Variants in FAS observed in about 807,000 individuals in gnomAD.
FAS encodes tumor necrosis factor receptor superfamily member 6.
A neutral mutation model predicts 33.2 loss-of-function variants in FAS; 5 were observed. That is an observed-to-expected ratio of 0.15 (90% confidence interval 0.08 to 0.32). The LOEUF is 0.32. FAS is among the 10% of genes least tolerant of loss of function. The pLI, the probability that FAS is intolerant of heterozygous loss-of-function variation, is 1.00. For missense variants in FAS, 339 were observed against 386.0 expected (o/e 0.88, Z 1.02); for synonymous variants, 131 against 130.7 (o/e 1.00, Z -0.01).
Position 89,003,012 on chromosome 10 carries a change from A to G in FAS, c.31-17A>G. On this transcript the variant is annotated splice_polypyrimidine_tract_variant and intron_variant, in intron 1 of 8. Transcript: ENST00000652046. ...TTCAGAAATCAATAAAATTCTCTTC[A>G]TGCTTTTATTTTACAGGTTCTTACG... 1 of 1,613,984 alleles carries G rather than the reference A, an allele frequency of 6.2e-7. No individual in the cohort carries two copies. Among genetic ancestry groups the G allele is most frequent in the African/African-American group, 1.3e-5 (1 of 75,032 alleles).
rs1489081413 is a variant in FAS, at chr10:89,015,107, A to G, written c.*657A>G. 3.7e-6 allele frequency: 2 copies of G among 534,792 alleles called. No individual in the cohort carries two copies. The highest frequency in any genetic ancestry group is 7.2e-6 in the Non-Finnish European group (2 of 276,660). 33.1% of individuals were successfully genotyped at this position (534,792 alleles called of 1,614,324 possible). A position where few individuals can be genotyped will look rare whatever the true frequency, so the allele number is the denominator to read the frequency against. Reference sequence around the variant, plus strand: ...AAATTATAATGTTTGACTATTATATATGTGTATGCATTTTACTGGCTCAAA... The same window carrying G: ...AAATTATAATGTTTGACTATTATATGTGTGTATGCATTTTACTGGCTCAAA... On this transcript the variant is annotated 3_prime_UTR_variant, in exon 9 of 9. Coordinates refer to ENST00000652046, the MANE Select transcript of FAS (RefSeq NM_000043.6).
chr10:88,980,394 G>A (rs1349128278), intron 2 of FAS, among the ~76,000 whole-genome samples: 1 of 152,144 alleles, frequency 6.6e-6, no homozygotes, highest in Non-Finnish European at 1.5e-5. Flanking sequence ...GAGGTGACAG[G>A]GAAGCAACAG....
intron 1 of FAS, among the ~76,000 whole-genome samples, chr10:89,000,502 A>G (rs537071537): frequency 5.9e-5 from 9 of 152,384 alleles, no homozygotes; most frequent in African/African-American, 1.9e-4. Flanking sequence ...ATGAAGAAAA[A>G]TAGTCTTATC....
In FAS at chr10:89,014,509, A is replaced by G. The variant is rs751685669; in HGVS notation, c.*59A>G. On this transcript the variant is annotated 3_prime_UTR_variant, in exon 9 of 9. Coordinates refer to ENST00000652046, the MANE Select transcript of FAS (RefSeq NM_000043.6). ...GCAATTAGTGTTTGAAAAGATTCTT[A>G]ATAGCTGGCTGTAAATACTGCTTGG... The G allele has an allele frequency of 1.3e-6, 2 of 1,501,208 alleles. No homozygotes were observed. The highest frequency in any genetic ancestry group is 1.8e-6 in the Non-Finnish European group (2 of 1,097,078). 93.0% of individuals were successfully genotyped at this position (1,501,208 alleles called of 1,614,324 possible).
Position 89,008,916 on chromosome 10 carries a change from G to A in FAS, c.362G>A (p.Arg121Gln), listed in dbSNP as rs1183652579. The part of the protein sequence containing the change: ...HGLEVEINCT[R>Q]TQNTKCRCKP... ...TTAGAAGTGGAAATAAACTGCACCC[G>A]GACCCAGAATACCAAGTGCAGATGT... Residue 121 changes from arginine to glutamine, a missense_variant, in exon 4 of 9, where the codon CGG becomes CAG. Around this residue, in one of 3 missense-constraint regions of FAS, gnomAD observed 276 missense variants for 300.1 expected, o/e 0.92. Transcript: ENST00000652046. The A allele has an allele frequency of 5.6e-6, 9 of 1,613,830 alleles. No homozygotes were observed. Among genetic ancestry groups the A allele is most frequent in the East Asian group, 2.2e-5 (1 of 44,896 alleles).
chr10:88,997,838 G>A (rs1162656798), intron 1 of FAS, among the ~76,000 whole-genome samples: 1 of 152,214 alleles, frequency 6.6e-6, no homozygotes, highest in African/African-American at 2.4e-5. Context: ...GTCCTCAGCA[G>A]TAGAGGGTGG....
chr10:88,981,771 T>C (rs1846719129), upstream of FAS, among the ~76,000 whole-genome samples: 1 of 152,184 alleles, frequency 6.6e-6, no homozygotes, highest in Admixed American at 6.5e-5. Context: ...TGTTTCAGTC[T>C]GTGCTCGTGG....
In FAS at chr10:88,997,425, C is replaced by G. The variant is rs557870159; in HGVS notation, c.31-5604C>G. Among the ~76,000 whole-genome samples, 6 of 152,286 alleles carry G rather than the reference C, an allele frequency of 3.9e-5. No individual in the cohort carries two copies. In the East Asian group the frequency reaches 9.6e-4, roughly 24 times the overall value. ...AGTCATGGATCTAATCAGTAACTTGCAACTGTTGCTTCAACTACCTCTGTC... is the reference window on the plus strand; with the variant it reads ...AGTCATGGATCTAATCAGTAACTTGGAACTGTTGCTTCAACTACCTCTGTC... On this transcript the variant is annotated intron_variant, in intron 1 of 8. Transcript: ENST00000652046.
At chr10:89,002,389 C>T (rs1309557739) in intron 1 of FAS, among the ~76,000 whole-genome samples, 1 of 152,128 alleles carries the variant, frequency 6.6e-6, no homozygotes, top group Non-Finnish European at 1.5e-5. Flanking sequence ...ATACTGTCTC[C>T]TAAATATTGG....
At chr10:88,968,778 G>A (rs185516518) in intron 1 of FAS, among the ~76,000 whole-genome samples, 28 of 152,142 alleles carry the variant, frequency 1.8e-4, no homozygotes, top group Admixed American at 7.2e-4. Context: ...AGGCATTTCT[G>A]TCCTCTTTTC....
chr10:88,988,205 C>G (rs182159403), upstream of FAS, among the ~76,000 whole-genome samples: 44 of 152,192 alleles, frequency 2.9e-4, no homozygotes, highest in Non-Finnish European at 5.1e-4. Context: ...GGGAGAGGGA[C>G]AGTTTTTCTA....
chr10:88,990,989 C>A lies in FAS; in HGVS notation c.30+83C>A. The A allele has an allele frequency of 1.9e-6, 3 of 1,593,584 alleles. No individual in the cohort carries two copies. Among genetic ancestry groups the A allele is most frequent in the South Asian group, 1.1e-5 (1 of 90,412 alleles). On this transcript the variant is annotated intron_variant, in intron 1 of 8. Transcript: ENST00000652046. This position sits in a 1 kb window ranked among gnomAD's most constrained non-coding sequence, Gnocchi z 4.9. ...AAGTGGGGCGGGCGCGGGACGCGTG[C>A]GGGATTGCGGCGGCAGCGGCGCACG...
chr10:89,009,951 A>C (rs1848439827), intron 4 of FAS, among the ~76,000 whole-genome samples: 1 of 152,228 alleles, frequency 6.6e-6, no homozygotes, highest in Non-Finnish European at 1.5e-5. Context: ...GTGACTTCCC[A>C]AGCTCACCTA....
chr10:89,008,901 A>G lies in FAS; in HGVS notation c.347A>G (p.Glu116Gly), dbSNP rs749714005. The G allele has an allele frequency of 3.7e-6, 6 of 1,614,014 alleles. No individual in the cohort carries two copies. In the East Asian group the frequency reaches 1.3e-4, roughly 36 times the overall value. ...ACTGATTTTCTAGGCTTAGAAGTGG[A>G]AATAAACTGCACCCGGACCCAGAAT... is the stretch of plus-strand genomic sequence containing the variant. ...LCDEGHGLEVEINCTRTQNTK... is the reference protein window; with the variant it reads ...LCDEGHGLEVGINCTRTQNTK... The change falls in exon 4 of 9, where the codon GAA becomes GGA. Residue 116 changes from glutamate to glycine, a missense_variant. This residue lies in a region of FAS where 276 missense variants were observed against 300.1 expected (regional missense o/e 0.92). Transcript: ENST00000652046.
upstream of FAS, among the ~76,000 whole-genome samples, chr10:88,987,733 C>A (rs1009062686): frequency 1.3e-5 from 2 of 152,218 alleles, no homozygotes; most frequent in African/African-American, 2.4e-5. Flanking sequence ...TATACCCAAG[C>A]CCTGGGATTG....
At chr10:89,005,708 G>A (rs962732148) in intron 2 of FAS, among the ~76,000 whole-genome samples, 1 of 152,170 alleles carries the variant, frequency 6.6e-6, no homozygotes, top group Non-Finnish European at 1.5e-5. Context: ...CATGATCTCA[G>A]CTCACTGCAA....
At chr10:88,976,709 T>C (rs184429257) in intron 2 of FAS, among the ~76,000 whole-genome samples, 3 of 152,322 alleles carry the variant, frequency 2.0e-5, no homozygotes, top group East Asian at 1.9e-4. Flanking sequence ...ATTAACAAAA[T>C]TGTATTCATA....
chr10:88,996,588 T>A (rs1174424575), intron 1 of FAS, among the ~76,000 whole-genome samples: 1 of 152,150 alleles, frequency 6.6e-6, no homozygotes, highest in Non-Finnish European at 1.5e-5. Context: ...AAGAGTAGAT[T>A]TTAAGTGTTC....
intron 2 of FAS, among the ~76,000 whole-genome samples, chr10:88,976,307 G>A (rs540095847): frequency 8.5e-5 from 13 of 152,306 alleles, no homozygotes; most frequent in African/African-American, 2.9e-4. Flanking sequence ...CCCACGGGCC[G>A]TGGGTTGGAC....
Sources: gnomAD v4.1 joint callset for allele counts (sites outside exome capture counted in the v4.1 genomes callset) on GRCh38, gnomAD v4.1.1 for gene constraint, gnomAD v4.1.1 regional missense constraint, Gnocchi (gnomAD v3.1) non-coding constraint, MANE v1.5 for transcripts, NCBI Gene and HGNC (gene_info 2026-07-23, HGNC 2026-07-21) for gene names.